Variants in FARS2 observed in about 807,000 individuals in gnomAD.
FARS2 encodes the protein phenylalanyl-tRNA synthetase 2, mitochondrial.
In FARS2, 40 loss-of-function variants were observed where a neutral mutation model predicts 46.4. That is an observed-to-expected ratio of 0.86 (90% CI 0.67 to 1.12). The LOEUF (loss-of-function observed/expected upper bound fraction) is 1.12. Among genes scored for constraint, FARS2 ranks in the 50% most tolerant of loss-of-function variants. The probability of loss-of-function intolerance (pLI) is 0.00; values close to 1 mark genes in which losing one functional copy is unlikely to be tolerated. For synonymous variants in FARS2, 234 were observed against 214.9 expected, an observed-to-expected ratio of 1.09 and a Z score of -0.78; for missense variants, 513 against 567.9, an observed-to-expected ratio of 0.90 and a Z score of 0.98.
At position 5,405,511 on chromosome 6, in the gene FARS2, G is replaced by A. The variant is rs181433128; in HGVS notation, c.772+810G>A. Among the ~76,000 whole-genome samples the A allele has an allele frequency of 5.1e-3, 343 of 66,726 alleles. 1 individual carries two copies. Among genetic ancestry groups the A allele is most frequent in the Middle Eastern group, 0.011 (1 of 94 alleles). 43.8% of individuals were successfully genotyped at this position (66,726 alleles called of 152,430 possible). ...TTTTTTTTTTTTTTTTTTTTGAGAC[G>A]GAGTCTCGCTCTGTCTCCCAGGCTG... On this transcript the variant is annotated intron_variant, in intron 3 of 6. Coordinates refer to ENST00000274680, the MANE Select transcript of FARS2 (RefSeq NM_006567.5).
chr6:5,610,348 A>G (rs1422355469), intron 5 of FARS2, among the ~76,000 whole-genome samples: 1 of 152,168 alleles, frequency 6.6e-6, no homozygotes, highest in African/African-American at 2.4e-5. Context: ...AGGATCAACA[A>G]AAGAACACAT....
intron 5 of FARS2, among the ~76,000 whole-genome samples, chr6:5,601,319 C>T (rs1774499147): frequency 6.6e-6 from 1 of 151,766 alleles, no homozygotes; most frequent in Non-Finnish European, 1.5e-5. Flanking sequence ...GTCGGGAGTT[C>T]GAGACCAGCC....
At chr6:5,492,979 G>A (rs1767216787) in intron 4 of FARS2, among the ~76,000 whole-genome samples, 1 of 152,178 alleles carries the variant, frequency 6.6e-6, no homozygotes, top group African/African-American at 2.4e-5. Flanking sequence ...GGTCTCCATG[G>A]CTCACAGAGG....
At chr6:5,470,360 A>G (rs75935269) in intron 4 of FARS2, among the ~76,000 whole-genome samples, 4 of 152,232 alleles carry the variant, frequency 2.6e-5, no homozygotes, top group African/African-American at 7.2e-5. Flanking sequence ...TGCAAATACT[A>G]TGCCATTTTA....
intron 6 of FARS2, among the ~76,000 whole-genome samples, chr6:5,654,820 G>A (rs1777533504): frequency 6.6e-6 from 1 of 152,090 alleles, no homozygotes; most frequent in African/African-American, 2.4e-5. Context: ...CCCTAAGACA[G>A]CAAGACCAAC....
At chr6:5,626,275 G>T (rs1320724694) in intron 6 of FARS2, among the ~76,000 whole-genome samples, 2 of 152,100 alleles carry the variant, frequency 1.3e-5, no homozygotes. Flanking sequence ...ATGAGGGTAC[G>T]TAATAATGTT....
the FARS2 span, among the ~76,000 whole-genome samples, chr6:5,251,242 C>T: frequency 3.9e-5 from 6 of 152,260 alleles, no homozygotes; most frequent in Admixed American, 6.5e-5. Flanking sequence ...GATTTGTCTC[C>T]AGAAGAATAT....
intron 6 of FARS2, among the ~76,000 whole-genome samples, chr6:5,646,597 G>A (rs1252930936): frequency 6.6e-6 from 1 of 152,144 alleles, no homozygotes; most frequent in African/African-American, 2.4e-5. Context: ...GGTATCCATA[G>A]GGGATTGGTT....
upstream of FARS2, chr6:5,260,912 C>G: frequency 7.3e-7 from 1 of 1,370,836 alleles, no homozygotes; most frequent in Non-Finnish European, 9.4e-7. Flanking sequence ...CGGCGCCAGG[C>G]GTCCCGCGCC....
intron 6 of FARS2, among the ~76,000 whole-genome samples, chr6:5,741,133 G>C (rs1235871317): frequency 6.6e-6 from 1 of 152,192 alleles, no homozygotes; most frequent in Non-Finnish European, 1.5e-5. Flanking sequence ...AAAGCATCCT[G>C]AGAGTTGGTG....
intron 4 of FARS2, among the ~76,000 whole-genome samples, chr6:5,475,643 C>T (rs960774744): frequency 1.3e-5 from 2 of 152,224 alleles, no homozygotes; most frequent in African/African-American, 2.4e-5. Context: ...ATAGACCCCT[C>T]TTTACTTCCC....
intron 6 of FARS2, among the ~76,000 whole-genome samples, chr6:5,754,274 C>T (rs1384046536): frequency 6.6e-6 from 1 of 152,192 alleles, no homozygotes; most frequent in African/African-American, 2.4e-5. Flanking sequence ...GCTCTCAGCC[C>T]TTCTGCTGTT....
chr6:5,426,350 T>A (rs943246167), intron 3 of FARS2, among the ~76,000 whole-genome samples: 3 of 152,136 alleles, frequency 2.0e-5, no homozygotes, highest in African/African-American at 7.2e-5. Context: ...AAATACGTAA[T>A]TTTTAGTAAA....
chr6:5,270,147 GA>G (rs1277693468), intron 1 of FARS2, among the ~76,000 whole-genome samples: 1 of 152,162 alleles, frequency 6.6e-6, no homozygotes, highest in African/African-American at 2.4e-5. Flanking sequence ...AGTGCAAAGG[GA>G]AAGTAAAATG....
intron 4 of FARS2, among the ~76,000 whole-genome samples, chr6:5,484,673 AAGGAT>A (rs1183262572): frequency 1.3e-5 from 2 of 152,204 alleles, no homozygotes; most frequent in Non-Finnish European, 2.9e-5. Flanking sequence ...TGAAAAAGAA[AAGGAT>A]AGTTTGCTTT....
the FARS2 span, among the ~76,000 whole-genome samples, chr6:5,252,685 G>T: frequency 6.6e-6 from 1 of 152,092 alleles, no homozygotes; most frequent in South Asian, 2.1e-4. Context: ...TAAACGTAAT[G>T]AAGTTTTGGT....
At chr6:5,468,374 A>G (rs530754829) in intron 4 of FARS2, among the ~76,000 whole-genome samples, 1 of 152,086 alleles carries the variant, frequency 6.6e-6, no homozygotes, top group Admixed American at 6.5e-5. Flanking sequence ...AAAAGAAAGA[A>G]AAAAAGTTAG....
intron 1 of FARS2, among the ~76,000 whole-genome samples, chr6:5,332,452 G>A (rs1026776970): frequency 3.3e-5 from 5 of 152,208 alleles, no homozygotes; most frequent in African/African-American, 1.2e-4. Flanking sequence ...CAGAGCCATA[G>A]AAAGGCTAAT....
At chr6:5,328,127 G>C (rs755325175) in intron 1 of FARS2, among the ~76,000 whole-genome samples, 50 of 152,088 alleles carry the variant, frequency 3.3e-4, no homozygotes, top group Non-Finnish European at 5.1e-4. Flanking sequence ...ATAACTAAAT[G>C]TATACCTTTT....
Sources: allele counts gnomAD v4.1 joint callset (sites outside exome capture counted in the v4.1 genomes callset), GRCh38; gene constraint gnomAD v4.1.1; transcripts MANE v1.5; gene names NCBI Gene and HGNC (gene_info 2026-07-23, HGNC 2026-07-21).